ROBO1: variants seen among roughly 807,000 people sequenced by gnomAD.
ROBO1 encodes roundabout guidance receptor 1.
Under a neutral mutation model 195.9 loss-of-function variants are expected in ROBO1, and 149 were observed. That is an observed-to-expected ratio of 0.76 (90% confidence interval 0.67 to 0.87). The LOEUF (loss-of-function observed/expected upper bound fraction) is 0.87, where lower values mean the gene tolerates loss of function less well. Ranked by LOEUF, ROBO1 falls within the 40% of genes least tolerant of loss-of-function variation. The pLI, the probability that ROBO1 is intolerant of heterozygous loss-of-function variation, is 0.00. For missense variants in ROBO1, 1,933 were observed against 2,068.3 expected, an observed-to-expected ratio of 0.93 and a Z score of 1.27; for synonymous variants, 816 against 733.2, an observed-to-expected ratio of 1.11 and a Z score of -1.82.
rs1244926860 is a variant in ROBO1, at chr3:79,133,660, G to T, written c.89-8121C>A. 3.8e-3 allele frequency among the ~76,000 whole-genome samples: 315 copies of T among 82,852 alleles called. 5 individuals are homozygous for T. The highest frequency in any genetic ancestry group is 5.8e-3 in the Non-Finnish European group (239 of 41,218). 54.4% of individuals were successfully genotyped at this position (82,852 alleles called of 152,430 possible). A position where few individuals can be genotyped will look rare whatever the true frequency, so the allele number is the denominator to read the frequency against. On this transcript the variant is annotated intron_variant, in intron 2 of 30. Coordinates refer to ENST00000464233, the MANE Select transcript of ROBO1 (RefSeq NM_002941.4). ...TCCCGTAGCTCAGAGTAATTTGATCGTCTGAAGCCTTCTTCTCTCAGCTCG... is the reference window on the plus strand; with the variant it reads ...TCCCGTAGCTCAGAGTAATTTGATCTTCTGAAGCCTTCTTCTCTCAGCTCG...
chr3:79,607,206 A>G (rs1383922213), intron 1 of ROBO1, among the ~76,000 whole-genome samples: 1 of 151,664 alleles, frequency 6.6e-6, no homozygotes, highest in African/African-American at 2.4e-5. Context: ...ATGGAAAAAA[A>G]GATGTTCTTT....
chr3:79,121,043 T>C (rs1206703599), intron 3 of ROBO1, among the ~76,000 whole-genome samples: 1 of 152,150 alleles, frequency 6.6e-6, no homozygotes, highest in Non-Finnish European at 1.5e-5. Flanking sequence ...AAGATGTGAT[T>C]AATTTTGAAC....
chr3:78,772,099 G>A (rs2108433332), intron 4 of ROBO1, among the ~76,000 whole-genome samples: 1 of 152,100 alleles, frequency 6.6e-6, no homozygotes, highest in Non-Finnish European at 1.5e-5. Context: ...CCAAATCTAT[G>A]TTCCATAAAA....
At chr3:79,123,973 G>A (rs1001126833) in intron 3 of ROBO1, among the ~76,000 whole-genome samples, 1 of 152,006 alleles carries the variant, frequency 6.6e-6, no homozygotes, top group Non-Finnish European at 1.5e-5. Flanking sequence ...AAAAGATAAA[G>A]AGCAAACTCT....
chr3:79,512,387 G>C (rs1417257552), intron 2 of ROBO1, among the ~76,000 whole-genome samples: 1 of 152,058 alleles, frequency 6.6e-6, no homozygotes, highest in African/African-American at 2.4e-5. Flanking sequence ...TCTAAAATTA[G>C]AATAGCTTAT....
intron 2 of ROBO1, among the ~76,000 whole-genome samples, chr3:79,334,334 G>A (rs148149836): frequency 0.17 from 24,520 of 141,810 alleles, 2,423 homozygotes; most frequent in African/African-American, 0.27. Flanking sequence ...ATATATATGT[G>A]TATATATATG....
chr3:78,665,310 C>T (rs527917249), intron 14 of ROBO1, among the ~76,000 whole-genome samples: 2 of 152,284 alleles, frequency 1.3e-5, no homozygotes, highest in Non-Finnish European at 2.9e-5. Flanking sequence ...ATCCGTCAGT[C>T]GGTTCAGATG....
At chr3:78,932,585 T>C (rs938671655) in intron 4 of ROBO1, among the ~76,000 whole-genome samples, 2 of 151,772 alleles carry the variant, frequency 1.3e-5, no homozygotes, top group Non-Finnish European at 2.9e-5. Context: ...TTAGTCTTTA[T>C]GACATAGCTG....
chr3:79,281,418 G>A (rs2031498707), intron 2 of ROBO1, among the ~76,000 whole-genome samples: 1 of 152,002 alleles, frequency 6.6e-6, no homozygotes, highest in Non-Finnish European at 1.5e-5. Context: ...TCTATATCAG[G>A]TGATGGGAAT....
chr3:79,119,289 A>G (rs994307361), intron 3 of ROBO1, among the ~76,000 whole-genome samples: 17 of 152,284 alleles, frequency 1.1e-4, no homozygotes, highest in African/African-American at 3.8e-4. Context: ...ATCCACTTGA[A>G]GCTCCCATGT....
intron 3 of ROBO1, among the ~76,000 whole-genome samples, chr3:79,107,131 A>C (rs201841902): frequency 1.4e-5 from 2 of 140,268 alleles, no homozygotes; most frequent in African/African-American, 5.5e-5. Context: ...TCTCTCTCAC[A>C]CACACACACA....
chr3:79,310,323 G>C (rs1255356963), intron 2 of ROBO1, among the ~76,000 whole-genome samples: 1 of 152,182 alleles, frequency 6.6e-6, no homozygotes, highest in Admixed American at 6.5e-5. Context: ...CATGCTGCAA[G>C]AAAGTGTGCG....
chr3:78,889,411 C>G (rs1433132355), intron 4 of ROBO1, among the ~76,000 whole-genome samples: 1 of 152,190 alleles, frequency 6.6e-6, no homozygotes, highest in Non-Finnish European at 1.5e-5. Flanking sequence ...AATCCACCAA[C>G]TTGACTTTTT....
At chr3:78,668,431 T>G in intron 12 of ROBO1, 53 bp downstream of exon 12, 1 of 1,603,610 alleles carries the variant, frequency 6.2e-7, no homozygotes. Flanking sequence ...TCCCAGTAAG[T>G]AAACAACTGC....
intron 1 of ROBO1, among the ~76,000 whole-genome samples, chr3:79,635,519 C>T (rs866950383): frequency 3.3e-5 from 5 of 152,144 alleles, no homozygotes; most frequent in Non-Finnish European, 7.4e-5. Flanking sequence ...TGAACACCAT[C>T]TTGACTAACA....
At position 79,575,385 on chromosome 3, in the gene ROBO1, G is replaced by T. The variant is rs1235904623; in HGVS notation, c.88+14439C>A. Among the ~76,000 whole-genome samples, 39 of 110,396 alleles carry T rather than the reference G, an allele frequency of 3.5e-4. 1 individual carries two copies. In the South Asian group the frequency reaches 9.0e-3, roughly 26 times the overall value. The allele number at this position is 110,396 out of a possible 152,430, so 72.4% of individuals were successfully genotyped here. A position where few individuals can be genotyped will look rare whatever the true frequency, so the allele number is the denominator to read the frequency against. On this transcript the variant is annotated intron_variant, in intron 2 of 30. Coordinates refer to ENST00000464233, the MANE Select transcript of ROBO1 (RefSeq NM_002941.4). ...TATATAACAAATATATATAAATATA[G>T]ATAACAAATATATATAAATATAGAT...
chr3:79,122,779 A>G (rs901788558), intron 3 of ROBO1, among the ~76,000 whole-genome samples: 13 of 151,962 alleles, frequency 8.6e-5, no homozygotes, highest in Non-Finnish European at 1.6e-4. Flanking sequence ...TGGGAATTTT[A>G]GTGAAATAAT....
chr3:79,661,683 A>G (rs1316149133), intron 1 of ROBO1, among the ~76,000 whole-genome samples: 4 of 151,952 alleles, frequency 2.6e-5, no homozygotes, highest in African/African-American at 9.7e-5. Flanking sequence ...GTACATTTAG[A>G]GATTTTACAG....
At chr3:79,708,865 T>A (rs2107210857) in intron 1 of ROBO1, among the ~76,000 whole-genome samples, 1 of 152,226 alleles carries the variant, frequency 6.6e-6, no homozygotes, top group East Asian at 1.9e-4. Flanking sequence ...AGTCCTTGTC[T>A]CAAAAAACAA....
Sources: gnomAD v4.1 joint callset for allele counts (sites outside exome capture counted in the v4.1 genomes callset) on GRCh38, gnomAD v4.1.1 for gene constraint, MANE v1.5 for transcripts, NCBI Gene and HGNC (gene_info 2026-07-23, HGNC 2026-07-21) for gene names.